SGCD: variants seen among roughly 807,000 people sequenced by gnomAD.
SGCD encodes sarcoglycan delta.
SGCD carries 18 observed loss-of-function variants against 36.6 expected under a neutral mutation model. The ratio of observed to expected loss-of-function variants is 0.49; its 90% CI spans 0.34 to 0.73. The LOEUF (loss-of-function observed/expected upper bound fraction) is 0.73. Among genes scored for constraint, SGCD ranks in the 30% least tolerant of loss-of-function variants. SGCD has a pLI of 0.01. For missense variants in SGCD, 387 were observed against 346.7 expected (o/e 1.12, Z -0.92); for synonymous variants, 133 against 130.6 (o/e 1.02, Z -0.12).
intron 3 of SGCD, among the ~76,000 whole-genome samples, chr5:156,228,397 C>T (rs142432846): frequency 0.012 from 1,834 of 152,168 alleles, 24 homozygotes; most frequent in Non-Finnish European, 0.02. Context: ...TATAATGTCC[C>T]TCTTTGTCTT....
chr5:156,149,849 T>C (rs2127614417), intron 3 of SGCD, among the ~76,000 whole-genome samples: 1 of 152,294 alleles, frequency 6.6e-6, no homozygotes, highest in African/African-American at 2.4e-5. Context: ...TGGAATCATC[T>C]ACTTCTTAAA....
chr5:155,980,758 A>AT (rs1476334713), intron 1 of SGCD, among the ~76,000 whole-genome samples: 1 of 152,102 alleles, frequency 6.6e-6, no homozygotes, highest in African/African-American at 2.4e-5. Flanking sequence ...TGTTAAACAC[A>AT]TTTATCTTTG....
chr5:156,747,000 G>A (rs381258), intron 7 of SGCD, among the ~76,000 whole-genome samples: 143,228 of 152,240 alleles, frequency 0.94, 67,445 homozygotes, highest in African/African-American at 0.98. Flanking sequence ...TATATACAAA[G>A]TCAATAACAA....
chr5:156,221,333 GA>G (rs1389987319), intron 3 of SGCD, among the ~76,000 whole-genome samples: 1 of 151,992 alleles, frequency 6.6e-6, no homozygotes, highest in Admixed American at 6.6e-5. Flanking sequence ...TGTATTCATT[GA>G]ATCATTACCC....
the SGCD span, among the ~76,000 whole-genome samples, chr5:155,829,126 CAA>C: frequency 6.6e-6 from 1 of 152,002 alleles, no homozygotes; most frequent in African/African-American, 2.4e-5. Context: ...TAAAAGTAAT[CAA>C]GAGGTGAAAA....
At chr5:155,948,208 C>A (rs1043507742) in intron 1 of SGCD, among the ~76,000 whole-genome samples, 1 of 152,082 alleles carries the variant, frequency 6.6e-6, no homozygotes, top group African/African-American at 2.4e-5. Context: ...AATCTGGAGG[C>A]AGAGGTTGCA....
At chr5:156,340,070 A>T (rs895319376) in intron 2 of SGCD, among the ~76,000 whole-genome samples, 4 of 152,232 alleles carry the variant, frequency 2.6e-5, no homozygotes, top group African/African-American at 7.2e-5. Flanking sequence ...AAAGTTACAC[A>T]TGGTATACAT....
At chr5:155,968,888 T>C (rs1757954302) in intron 1 of SGCD, among the ~76,000 whole-genome samples, 1 of 152,162 alleles carries the variant, frequency 6.6e-6, no homozygotes, top group African/African-American at 2.4e-5. Flanking sequence ...TACAGCAATA[T>C]ATAGTTTTGT....
intron 4 of SGCD, among the ~76,000 whole-genome samples, chr5:156,572,778 A>G (rs1759774835): frequency 6.6e-6 from 1 of 152,068 alleles, no homozygotes; most frequent in Non-Finnish European, 1.5e-5. Context: ...TTTTGACATC[A>G]CCCCTTTCCA....
intron 7 of SGCD, among the ~76,000 whole-genome samples, chr5:156,694,176 C>T (rs32095): frequency 0.92 from 139,466 of 152,248 alleles, 64,047 homozygotes; most frequent in East Asian, 0.99. Flanking sequence ...TAAAGTTTTC[C>T]AGCAGTGGGA....
chr5:155,880,767 G>A (rs1307509316), intron 1 of SGCD, among the ~76,000 whole-genome samples: 1 of 152,050 alleles, frequency 6.6e-6, no homozygotes, highest in Non-Finnish European at 1.5e-5. Flanking sequence ...TCAACAGGAA[G>A]TTTTAGATAT....
chr5:156,200,296 G>T (rs1315390481), intron 3 of SGCD, among the ~76,000 whole-genome samples: 2 of 152,178 alleles, frequency 1.3e-5, no homozygotes, highest in African/African-American at 4.8e-5. Flanking sequence ...AAGATGTTGT[G>T]GTACTGGCAT....
At chr5:156,062,267 A>AT (rs1760235553) in intron 1 of SGCD, among the ~76,000 whole-genome samples, 1 of 41,646 alleles carries the variant, frequency 2.4e-5, no homozygotes, top group Non-Finnish European at 3.8e-5. Flanking sequence ...TGAACTCATC[A>AT]TTTTTTATGG....
intron 3 of SGCD, among the ~76,000 whole-genome samples, chr5:156,231,694 G>C (rs376638101): frequency 1.8e-4 from 28 of 152,268 alleles, no homozygotes; most frequent in Middle Eastern, 6.8e-3. Context: ...TATAGGACAG[G>C]GTATTCAAAC....
chr5:156,608,534 G>A (rs1433371626), intron 6 of SGCD, among the ~76,000 whole-genome samples: 1 of 152,196 alleles, frequency 6.6e-6, no homozygotes, highest in African/African-American at 2.4e-5. Context: ...ATTTGGGGTG[G>A]AGAGTTCTGT....
intron 3 of SGCD, among the ~76,000 whole-genome samples, chr5:156,353,462 T>G (rs1053755066): frequency 4.6e-5 from 7 of 152,230 alleles, no homozygotes; most frequent in African/African-American, 1.7e-4. Context: ...AGAAGGGTAA[T>G]GATGGAGTGT....
chr5:155,849,580 T>G, the SGCD span, among the ~76,000 whole-genome samples: 1 of 152,212 alleles, frequency 6.6e-6, no homozygotes, highest in African/African-American at 2.4e-5. Context: ...TCGTGTAAGT[T>G]TTTGGAAGGA....
chr5:155,965,878 C>T (rs186588747), intron 1 of SGCD, among the ~76,000 whole-genome samples: 22 of 152,194 alleles, frequency 1.4e-4, no homozygotes, highest in African/African-American at 3.4e-4. Flanking sequence ...TTCCTGCGTT[C>T]GTCCCCCTTT....
intron 4 of SGCD, among the ~76,000 whole-genome samples, chr5:156,516,393 C>T (rs146599310): frequency 1.3e-5 from 2 of 152,162 alleles, no homozygotes; most frequent in Non-Finnish European, 2.9e-5. Flanking sequence ...AGGAAAAGAC[C>T]CAGGAGTGGC....
Sources: allele counts gnomAD v4.1 joint callset (sites outside exome capture counted in the v4.1 genomes callset), GRCh38; gene constraint gnomAD v4.1.1; transcripts MANE v1.5; gene names NCBI Gene and HGNC (gene_info 2026-07-23, HGNC 2026-07-21).